Variants in GLYATL2 observed in about 807,000 individuals in gnomAD.
GLYATL2 encodes the protein glycine-N-acyltransferase like 2.
A neutral mutation model predicts 21.4 loss-of-function variants in GLYATL2; 25 were observed. The observed-to-expected ratio is 1.17, with a 90% confidence interval of 0.85 to 1.63. The LOEUF is 1.63. Among genes scored for constraint, GLYATL2 ranks in the 40% most tolerant of loss-of-function variants. The probability of loss-of-function intolerance (pLI) is 0.00; values close to 1 mark genes in which losing one functional copy is unlikely to be tolerated. For synonymous variants in GLYATL2, 114 were observed against 118.2 expected (o/e 0.96, Z 0.23); for missense variants, 361 against 343.3 (o/e 1.05, Z -0.41).
chr11:58,851,076 C>T (rs1282734799), intron 1 of GLYATL2, among the ~76,000 whole-genome samples: 2 of 152,194 alleles, frequency 1.3e-5, no homozygotes, highest in Non-Finnish European at 2.9e-5. Flanking sequence ...ACGTGACTCA[C>T]GTGACCTTAT....
chr11:58,844,650 G>C lies in GLYATL2; in HGVS notation c.-257C>G, dbSNP rs1291446369. ...TAGACAAGAAATCACAGGCTTTGTA[G>C]ACCAGAGGAGGACTGAGAATATGTT... is the stretch of plus-strand genomic sequence containing the variant. On this transcript the variant is annotated 5_prime_UTR_variant, in exon 1 of 6. Coordinates refer to ENST00000287275, the MANE Select transcript of GLYATL2 (RefSeq NM_145016.4). 1 of 152,206 alleles carries C rather than the reference G, an allele frequency of 6.6e-6. No homozygotes were observed. The highest frequency in any genetic ancestry group is 2.4e-5 in the African/African-American group (1 of 41,454). 9.4% of individuals were successfully genotyped at this position (152,206 alleles called of 1,614,324 possible). A position where few individuals can be genotyped will look rare whatever the true frequency, so the allele number is the denominator to read the frequency against.
chr11:58,882,213 C>T (rs1241919446), intron 1 of GLYATL2, among the ~76,000 whole-genome samples: 1 of 152,214 alleles, frequency 6.6e-6, no homozygotes, highest in African/African-American at 2.4e-5. Flanking sequence ...TAAAAGCGTT[C>T]CTATTTCTCC....
chr11:58,892,700 G>A (rs1854565407), intron 1 of GLYATL2: 1 of 356,452 alleles, frequency 2.8e-6, no homozygotes, highest in East Asian at 5.5e-5. Flanking sequence ...AAGAGCAGCT[G>A]CATTTTCAAA....
chr11:58,836,571 G>A lies in GLYATL2; in HGVS notation c.476+444C>T, dbSNP rs1853434491. On this transcript the variant is annotated intron_variant, in intron 5 of 5. Transcript: ENST00000287275. ...CATTGCAGAAGTTGCAGTAAAGTGT[G>A]TATGTGTTGTAAAAATAAATACATA... Among the ~76,000 whole-genome samples the A allele has an allele frequency of 2.0e-5, 3 of 151,970 alleles. No individual in the cohort carries two copies. The South Asian group carries it at 6.2e-4, about 32-fold the overall frequency.
rs747928053 is a variant in GLYATL2 at position 58,837,407 on chromosome 11, C to G, written c.187-10G>C. The G allele has an allele frequency of 1.2e-6, 2 of 1,606,768 alleles. No homozygotes were observed. The highest frequency in any genetic ancestry group is 1.7e-6 in the Non-Finnish European group (2 of 1,173,918). On this transcript the variant is annotated splice_polypyrimidine_tract_variant and intron_variant, in intron 3 of 5. Transcript: ENST00000287275. The stretch of plus-strand genomic sequence containing the variant: ...GGTCATCTTTCATCTCCTGATATAA[C>G]AAATATCAATTATATTTACATAGCG...
intron 1 of GLYATL2, chr11:58,885,567 G>T: frequency 4.9e-6 from 2 of 405,392 alleles, no homozygotes; most frequent in Non-Finnish European, 9.8e-6. Context: ...GGGACTAGTG[G>T]AGCCAGGCAG....
intron 1 of GLYATL2, among the ~76,000 whole-genome samples, chr11:58,889,163 A>T (rs1041470227): frequency 6.6e-6 from 1 of 151,884 alleles, no homozygotes; most frequent in South Asian, 2.1e-4. Flanking sequence ...TTATTTTTCC[A>T]TTTCTATTTC....
chr11:58,905,372 C>A, upstream of GLYATL2: 1 of 433,462 alleles, frequency 2.3e-6, no homozygotes. Flanking sequence ...GCTCTCTCTG[C>A]TGCTGCCGCT....
intron 1 of GLYATL2, among the ~76,000 whole-genome samples, chr11:58,885,969 CT>C (rs1205662845): frequency 3.3e-5 from 5 of 152,208 alleles, no homozygotes; most frequent in Non-Finnish European, 7.3e-5. Context: ...AATCCCAGCA[CT>C]TTGGGAGGCC....
intron 1 of GLYATL2, among the ~76,000 whole-genome samples, chr11:58,875,984 C>T (rs1304500645): frequency 1.3e-5 from 2 of 152,116 alleles, no homozygotes; most frequent in African/African-American, 2.4e-5. Context: ...AGGCTTTGTT[C>T]ATTTCTTTTT....
chr11:58,872,501 A>C (rs923133615), intron 1 of GLYATL2, among the ~76,000 whole-genome samples: 4 of 152,228 alleles, frequency 2.6e-5, no homozygotes, highest in African/African-American at 9.7e-5. Flanking sequence ...CTTTCTACAT[A>C]TGGCTAGCCA....
chr11:58,871,710 T>A (rs1164306580), intron 1 of GLYATL2, among the ~76,000 whole-genome samples: 1 of 152,120 alleles, frequency 6.6e-6, no homozygotes, highest in Middle Eastern at 3.2e-3. Context: ...TGGTTCCAAG[T>A]CTTTGCTATT....
chr11:58,855,918 G>A (rs1241166533), intron 1 of GLYATL2, among the ~76,000 whole-genome samples: 1 of 152,164 alleles, frequency 6.6e-6, no homozygotes, highest in Non-Finnish European at 1.5e-5. Context: ...GAGGTCAGGA[G>A]TTTGAGACCA....
chr11:58,899,878 T>C (rs1002625697), intron 1 of GLYATL2, among the ~76,000 whole-genome samples: 1 of 152,200 alleles, frequency 6.6e-6, no homozygotes, highest in African/African-American at 2.4e-5. Flanking sequence ...AAATTTGGTA[T>C]GTAAAATTAA....
At chr11:58,871,440 C>G (rs1428942597) in intron 1 of GLYATL2, among the ~76,000 whole-genome samples, 3 of 145,514 alleles carry the variant, frequency 2.1e-5, no homozygotes, top group African/African-American at 7.6e-5. Context: ...CCCCCTCCCC[C>G]ACCCCACAAC....
Position 58,834,537 on chromosome 11 carries a change from A to G in GLYATL2, c.777T>C (p.His259=). The G allele has an allele frequency of 6.2e-7, 1 of 1,613,596 alleles. No individual in the cohort carries two copies. Among genetic ancestry groups the G allele is most frequent in the Non-Finnish European group, 8.5e-7 (1 of 1,179,528 alleles). ...LSQKEIPFYF[H]VADNNEKSLQ... ...GGCTTTTCTCATTATTATCTGCCACATGGAAATAAAATGGGATTTCTTTCT... is the reference window on the plus strand; with the variant it reads ...GGCTTTTCTCATTATTATCTGCCACGTGGAAATAAAATGGGATTTCTTTCT... The change falls in exon 6 of 6, where the codon CAT becomes CAC. Residue 259 remains histidine, a synonymous_variant. Coordinates refer to ENST00000287275, the MANE Select transcript of GLYATL2 (RefSeq NM_145016.4).
chr11:58,864,534 G>A (rs1320600559), intron 1 of GLYATL2, among the ~76,000 whole-genome samples: 4 of 149,028 alleles, frequency 2.7e-5, no homozygotes, highest in African/African-American at 9.7e-5. Context: ...CCAAACCAAA[G>A]TTCAGTGCTC....
upstream of GLYATL2, among the ~76,000 whole-genome samples, chr11:58,847,778 C>A (rs1853669001): frequency 6.6e-6 from 1 of 152,212 alleles, no homozygotes; most frequent in African/African-American, 2.4e-5. Context: ...TGATGGGAAG[C>A]ACACAGGCCT....
chr11:58,859,846 T>C (rs1463062279), intron 1 of GLYATL2, among the ~76,000 whole-genome samples: 1 of 152,124 alleles, frequency 6.6e-6, no homozygotes, highest in Non-Finnish European at 1.5e-5. Flanking sequence ...GATATGCAGT[T>C]TTTTCAACAG....
Sources: gnomAD v4.1 joint callset for allele counts (sites outside exome capture counted in the v4.1 genomes callset) on GRCh38, gnomAD v4.1.1 for gene constraint, MANE v1.5 for transcripts, NCBI Gene and HGNC (gene_info 2026-07-23, HGNC 2026-07-21) for gene names.